CCNI: variants seen among roughly 807,000 people sequenced by gnomAD.
CCNI encodes cyclin-I.
Under a neutral mutation model 34.1 loss-of-function variants are expected in CCNI, and 14 were observed. That is an observed-to-expected ratio of 0.41 (90% CI 0.27 to 0.64). The LOEUF (loss-of-function observed/expected upper bound fraction) is 0.64. Ranked by LOEUF, CCNI falls within the 30% of genes least tolerant of loss-of-function variation. The pLI is 0.31. For synonymous variants in CCNI, 154 were observed against 158.4 expected, an observed-to-expected ratio of 0.97 and a Z score of 0.21; for missense variants, 385 against 440.5, an observed-to-expected ratio of 0.87 and a Z score of 1.13.
At chr4:77,053,621 T>C (rs191649347) in intron 6 of CCNI, among the ~76,000 whole-genome samples, 80 of 152,314 alleles carry the variant, frequency 5.3e-4, no homozygotes, top group African/African-American at 1.6e-3. Context: ...ACTAACACTT[T>C]AAAGCAATCT....
intron 6 of CCNI, among the ~76,000 whole-genome samples, chr4:77,049,420 G>C (rs965083660): frequency 1.3e-5 from 2 of 152,128 alleles, no homozygotes; most frequent in East Asian, 3.9e-4. Context: ...GCTCATGCCT[G>C]TAATCCTAGC....
Position 77,055,266 on chromosome 4 carries a change from T to G in CCNI, c.574A>C (p.Asn192His). Residue 192 changes from asparagine to histidine, a missense_variant, in exon 6 of 7, where the codon AAC becomes CAC. Asn to His is a moderately conservative substitution (Grantham distance 68, BLOSUM62 1). Coordinates refer to ENST00000237654, the MANE Select transcript of CCNI (RefSeq NM_006835.3). ...GATCCTCTGAATTGCAGAAGTTGGT[T>G]GCAGGCCATACAGTGAAGTAGTTGC... ...TKQLLHCMAC[N>H]QLLQFRGSML... The G allele has an allele frequency of 6.2e-7, 1 of 1,614,152 alleles. No individual in the cohort carries two copies. The highest frequency in any genetic ancestry group is 1.1e-5 in the South Asian group (1 of 91,088).
intron 1 of CCNI, among the ~76,000 whole-genome samples, chr4:77,070,351 C>T (rs573022108): frequency 1.3e-5 from 2 of 151,122 alleles, no homozygotes; most frequent in Non-Finnish European, 2.9e-5. Flanking sequence ...GACCACACCT[C>T]GGTATCAATT....
At chr4:77,060,419 T>C (rs1189692981) in intron 2 of CCNI, among the ~76,000 whole-genome samples, 2 of 152,212 alleles carry the variant, frequency 1.3e-5, no homozygotes, top group Non-Finnish European at 2.9e-5. Context: ...TGTTAACAAT[T>C]AGTCATGAAA....
chr4:77,056,871 G>A (rs1454631459), intron 3 of CCNI, among the ~76,000 whole-genome samples: 12 of 151,968 alleles, frequency 7.9e-5, no homozygotes, highest in East Asian at 5.8e-4. Context: ...GATTACAGGC[G>A]TCAGCCACCG....
At chr4:77,070,631 C>G (rs1729390454) in intron 1 of CCNI, among the ~76,000 whole-genome samples, 1 of 152,138 alleles carries the variant, frequency 6.6e-6, no homozygotes, top group Non-Finnish European at 1.5e-5. Context: ...TTTCTCAGAT[C>G]TTCAACAATT....
chr4:77,054,939 G>A (rs1179621028), intron 6 of CCNI, among the ~76,000 whole-genome samples: 1 of 151,946 alleles, frequency 6.6e-6, no homozygotes, highest in Admixed American at 6.6e-5. Context: ...AAGAGAAATG[G>A]TTAAAAGGAA....
intron 1 of CCNI, among the ~76,000 whole-genome samples, chr4:77,066,922 T>C (rs1729072075): frequency 6.6e-6 from 1 of 152,202 alleles, no homozygotes; most frequent in African/African-American, 2.4e-5. Context: ...TGTGGATATT[T>C]AACTATGAGC....
chr4:77,059,121 C>A (rs565143154), intron 2 of CCNI, among the ~76,000 whole-genome samples: 2 of 151,884 alleles, frequency 1.3e-5, no homozygotes, highest in African/African-American at 4.8e-5. Context: ...GTAAAAGATA[C>A]CAGGGACAAC....
chr4:77,075,048 C>CT (rs1301468165), intron 1 of CCNI: 1 of 143,378 alleles, frequency 7.0e-6, no homozygotes, highest in Non-Finnish European at 1.5e-5. Flanking sequence ...GGCATTCAGT[C>CT]TGCCGTGCAA....
At chr4:77,051,106 G>A (rs1727795776) in intron 6 of CCNI, among the ~76,000 whole-genome samples, 2 of 152,134 alleles carry the variant, frequency 1.3e-5, no homozygotes. Flanking sequence ...CACTTCATCT[G>A]TGTAGATTCA....
chr4:77,053,025 A>G (rs1727971041), intron 6 of CCNI, among the ~76,000 whole-genome samples: 1 of 152,238 alleles, frequency 6.6e-6, no homozygotes, highest in Non-Finnish European at 1.5e-5. Flanking sequence ...CAGTTTTCAA[A>G]CTACGTCCAA....
At position 77,048,644 on chromosome 4, in the gene CCNI, T is replaced by C; in HGVS notation, c.709A>G (p.Ile237Val). The C allele has an allele frequency of 6.5e-7, 1 of 1,541,084 alleles. No individual in the cohort carries two copies. Among genetic ancestry groups the C allele is most frequent in the Non-Finnish European group, 8.8e-7 (1 of 1,142,602 alleles). The change falls in exon 7 of 7, where the codon ATC becomes GTC. Residue 237 changes from isoleucine (I) to valine (V), a missense_variant. By Grantham distance (29) the Ile-to-Val change is conservative. Around this residue, in one of 2 missense-constraint regions of CCNI, gnomAD observed 250 missense variants for 248.7 expected, o/e 1.01. Coordinates refer to ENST00000237654, the MANE Select transcript of CCNI (RefSeq NM_006835.3). ...TGTGCCACAAGCTCCCGACAATGGA[T>C]CAACTGGGAGCTATCCATCTGGGCC... ...QKAQMDSSQL[I>V]HCRELVAHHL...
chr4:77,075,459 C>G lies in CCNI; in HGVS notation c.-44+13G>C. On this transcript the variant is annotated intron_variant, in intron 1 of 6. Coordinates refer to ENST00000237654, the MANE Select transcript of CCNI (RefSeq NM_006835.3). ...AGACGCGTCGAGCCCCCGCCCCCGC[C>G]CCCGCCCCTCACCTTCTCCTCCTCT... The G allele has an allele frequency of 1.4e-6, 1 of 693,744 alleles. No individual in the cohort carries two copies. Among genetic ancestry groups the G allele is most frequent in the Non-Finnish European group, 1.8e-6 (1 of 564,206 alleles). The allele number at this position is 693,744 out of a possible 1,614,324, so 43.0% of individuals were successfully genotyped here.
At chr4:77,055,442 A>G (rs1309452553) in intron 5 of CCNI, 62 bp from the exon 6 acceptor site, 25 of 1,115,938 alleles carry the variant, frequency 2.2e-5, no homozygotes, top group Non-Finnish European at 3.3e-5. Context: ...ACATATAGAA[A>G]TTGATGCAAC....
intron 3 of CCNI, among the ~76,000 whole-genome samples, chr4:77,057,924 T>A (rs1728346283): frequency 6.6e-6 from 1 of 152,258 alleles, no homozygotes. Flanking sequence ...GACTAAGTAT[T>A]CTGCTGATGC....
intron 6 of CCNI, among the ~76,000 whole-genome samples, chr4:77,053,038 ACTAC>A (rs1727973998): frequency 6.6e-6 from 1 of 152,226 alleles, no homozygotes; most frequent in South Asian, 2.1e-4. Flanking sequence ...ACGTCCAAAG[ACTAC>A]CTACATAATA....
intron 1 of CCNI, among the ~76,000 whole-genome samples, chr4:77,068,516 G>A (rs1003536406): frequency 5.9e-5 from 9 of 152,142 alleles, no homozygotes; most frequent in African/African-American, 1.2e-4. Flanking sequence ...GCTAAATAAC[G>A]GGACAAGGAG....
intron 3 of CCNI, among the ~76,000 whole-genome samples, chr4:77,057,075 T>C (rs1053233628): frequency 6.6e-6 from 1 of 152,248 alleles, no homozygotes; most frequent in African/African-American, 2.4e-5. Context: ...TTTTTGTGTA[T>C]GTAAACATTT....
Sources: allele counts gnomAD v4.1 joint callset (sites outside exome capture counted in the v4.1 genomes callset), GRCh38; gene constraint gnomAD v4.1.1; regional missense constraint gnomAD v4.1.1; transcripts MANE v1.5; gene names NCBI Gene and HGNC (gene_info 2026-07-23, HGNC 2026-07-21).